LAMA4: variants seen among roughly 807,000 people sequenced by gnomAD.
LAMA4 encodes laminin subunit alpha 4.
In LAMA4, 127 loss-of-function variants were observed where a neutral mutation model predicts 207.1. That is an observed-to-expected ratio of 0.61 (90% CI 0.53 to 0.71). The LOEUF is 0.71. Ranked by LOEUF, LAMA4 falls within the 30% of genes least tolerant of loss-of-function variation. LAMA4 has a pLI of 0.00. For missense variants in LAMA4, 2,093 were observed against 2,246.5 expected (o/e 0.93, Z 1.38); for synonymous variants, 761 against 816.0 (o/e 0.93, Z 1.15).
intron 5 of LAMA4, among the ~76,000 whole-genome samples, chr6:112,201,373 C>G (rs1259999142): frequency 6.6e-6 from 1 of 152,218 alleles, no homozygotes; most frequent in African/African-American, 2.4e-5. Flanking sequence ...TCCCTGTGTG[C>G]TTATCCTGAG....
At chr6:112,154,585 C>T (rs950536385) in intron 16 of LAMA4, among the ~76,000 whole-genome samples, 8 of 151,872 alleles carry the variant, frequency 5.3e-5, no homozygotes, top group Non-Finnish European at 1.2e-4. Context: ...TATTAATCAG[C>T]CTATTTGATT....
Position 112,108,383 on chromosome 6 carries a change from G to T in LAMA4, c.*1054C>A, listed in dbSNP as rs1299068563. Among the ~76,000 whole-genome samples, 1 of 152,038 alleles carries T rather than the reference G, an allele frequency of 6.6e-6. No individual in the cohort carries two copies. Among genetic ancestry groups the T allele is most frequent in the Non-Finnish European group, 1.5e-5 (1 of 68,012 alleles). ...TTGGAAAAAAGATTATAACATTTTA[G>T]AAATAAGACTAGTTGTGTTGCAGGT... On this transcript the variant is annotated 3_prime_UTR_variant, in exon 39 of 39. Transcript: ENST00000230538.
chr6:112,234,145 T>A (rs1335872208), intron 2 of LAMA4: 1 of 151,874 alleles, frequency 6.6e-6, no homozygotes, highest in Admixed American at 6.6e-5. Context: ...GTCATTCAAC[T>A]ATAAAAACAA....
intron 6 of LAMA4, among the ~76,000 whole-genome samples, chr6:112,190,891 CTT>C (rs1424569022): frequency 2.9e-5 from 2 of 68,692 alleles, no homozygotes; most frequent in Non-Finnish European, 2.9e-5. Context: ...TTCTTTCTTT[CTT>C]TCTTTCTTTC....
At chr6:112,201,463 A>G (rs1001197398) in intron 5 of LAMA4, 145 bp downstream of exon 5, 6 of 789,476 alleles carry the variant, frequency 7.6e-6, no homozygotes, top group South Asian at 4.2e-5. Context: ...AAACTTCCCT[A>G]AGGGGTTTTG....
intron 3 of LAMA4, among the ~76,000 whole-genome samples, chr6:112,213,143 C>T (rs1784443185): frequency 6.6e-6 from 1 of 152,132 alleles, no homozygotes; most frequent in African/African-American, 2.4e-5. Context: ...GAGCCCTGTG[C>T]CTGTGGTGAA....
chr6:112,178,254 G>A (rs200679874), intron 9 of LAMA4, 22 bp from the exon 10 acceptor site: 3 of 1,533,896 alleles, frequency 2.0e-6, no homozygotes, highest in African/African-American at 1.4e-5. Context: ...CCGTATAAAG[G>A]CTAGATTAAA....
At position 112,114,208 on chromosome 6, in the gene LAMA4, G is replaced by A; in HGVS notation, c.5207-13C>T. On this transcript the variant is annotated splice_polypyrimidine_tract_variant and intron_variant, in intron 37 of 38. Coordinates refer to ENST00000230538, the MANE Select transcript of LAMA4 (RefSeq NM_001105206.3). ...GAATCTCTAATAACTGAAATGCAGG[G>A]CAAAGACTGGTCATAAGTGGCACTG... The A allele has an allele frequency of 6.2e-7, 1 of 1,613,138 alleles. No homozygotes were observed. The highest frequency in any genetic ancestry group is 8.5e-7 in the Non-Finnish European group (1 of 1,179,436).
At chr6:112,134,317 G>A in intron 26 of LAMA4, 150 bp downstream of exon 26, 2 of 704,944 alleles carry the variant, frequency 2.8e-6, no homozygotes, top group Non-Finnish European at 5.0e-6. Flanking sequence ...ACTGCAGAGG[G>A]CCTGAAGGTA....
rs375305822 is a variant in LAMA4, at chr6:112,187,527, C to T, written c.889G>A (p.Gly297Arg). Residue 297 changes from glycine to arginine, a missense_variant, in exon 8 of 39, where the codon GGG (glycine) becomes AGG (arginine). By Grantham distance (125) the Gly-to-Arg change is moderately radical (BLOSUM62 -2). Coordinates refer to ENST00000230538, the MANE Select transcript of LAMA4 (RefSeq NM_001105206.3). The part of the protein sequence containing the change: ...AALSIEEGKS[G>R]VLSVSSGAAA... Reference sequence around the variant, plus strand: ...GCCCCAGAGGATACGCTCAGCACCCCGGATTTGCCTTCCTCGATGGAGAGC... The same window carrying T: ...GCCCCAGAGGATACGCTCAGCACCCTGGATTTGCCTTCCTCGATGGAGAGC... 18 of 1,613,992 alleles carry T rather than the reference C, an allele frequency of 1.1e-5. No individual in the cohort carries two copies. The African/African-American group carries it at 2.4e-4, about 22-fold the overall frequency.
chr6:112,118,574 A>G lies in LAMA4; in HGVS notation c.4821+582T>C, dbSNP rs1169055116. 6.6e-6 allele frequency among the ~76,000 whole-genome samples: 1 copy of G among 152,168 alleles called. No homozygotes were observed. The highest frequency in any genetic ancestry group is 1.5e-5 in the Non-Finnish European group (1 of 68,028). Reference sequence around the variant, plus strand: ...ATGTTAAGAAAAATTTAGTCCTTTGATGCATTCCTTTTATTGCTAAATTTT... The same window carrying G: ...ATGTTAAGAAAAATTTAGTCCTTTGGTGCATTCCTTTTATTGCTAAATTTT... On this transcript the variant is annotated intron_variant, in intron 34 of 38. Transcript: ENST00000230538. The surrounding 1 kb of genome is among the most constrained non-coding windows in gnomAD (Gnocchi z 4.6).
chr6:112,187,472 T>C lies in LAMA4; in HGVS notation c.944A>G (p.Asn315Ser), dbSNP rs1029188462. 5.6e-6 allele frequency: 9 copies of C among 1,613,954 alleles called. No individual in the cohort carries two copies. In the East Asian group the frequency reaches 8.9e-5, roughly 16 times the overall value. The change falls in exon 8 of 39, where the codon AAC becomes AGC. Residue 315 changes from asparagine to serine, a missense_variant. Asn to Ser is a conservative substitution (Grantham distance 46, BLOSUM62 1). Transcript: ENST00000230538. ...TACTTTGAGGAGGTAGATGGTGGCG[T>C]TGATTTCATTCACGTGCCTATGAGC... ...AAAHRHVNEI[N>S]ATIYLLKTKL...
At chr6:112,242,004 A>G (rs1438097263) in intron 2 of LAMA4, among the ~76,000 whole-genome samples, 2 of 152,098 alleles carry the variant, frequency 1.3e-5, no homozygotes, top group Non-Finnish European at 2.9e-5. Context: ...AAACATCACA[A>G]TCCCACTATT....
intron 31 of LAMA4, 150 bp downstream of exon 31, chr6:112,128,772 T>C: frequency 1.5e-6 from 1 of 665,226 alleles, no homozygotes; most frequent in Non-Finnish European, 2.6e-6. Flanking sequence ...ACAAATCTGG[T>C]AAACTAGAAT....
rs782385354 is a variant in LAMA4 at position 112,214,085 on chromosome 6, C to T, written c.297+2283G>A. The T allele has an allele frequency of 2.2e-5, 16 of 731,900 alleles. No homozygotes were observed. In the East Asian group the frequency reaches 3.8e-4, roughly 17 times the overall value. The allele number at this position is 731,900 out of a possible 1,614,324, so 45.3% of individuals were successfully genotyped here. ...CCGTCAGTAGTCTGGGATAGCGGCA[C>T]CAAAGGAAACAGAAAAAAATGAGTT... On this transcript the variant is annotated intron_variant, in intron 3 of 38. Transcript: ENST00000230538.
intron 6 of LAMA4, among the ~76,000 whole-genome samples, chr6:112,190,935 C>CTT (rs376000544): frequency 6.7e-5 from 4 of 59,304 alleles, no homozygotes; most frequent in African/African-American, 3.2e-4. Context: ...TTCTTTCTTT[C>CTT]TTTCTTTCTT....
chr6:112,212,898 C>G (rs1347951279), intron 3 of LAMA4, among the ~76,000 whole-genome samples: 1 of 152,144 alleles, frequency 6.6e-6, no homozygotes, highest in Non-Finnish European at 1.5e-5. Context: ...CTGCCTTACA[C>G]AGTAATAAAA....
chr6:112,190,908 T>C (rs1431229991), intron 6 of LAMA4, among the ~76,000 whole-genome samples: 2 of 92,782 alleles, frequency 2.2e-5, no homozygotes, highest in Admixed American at 2.5e-4. Context: ...TCTTTCTTTC[T>C]TTCTTTCTTT....
intron 10 of LAMA4, among the ~76,000 whole-genome samples, chr6:112,177,294 A>T (rs1453545262): frequency 6.6e-6 from 1 of 152,188 alleles, no homozygotes; most frequent in Admixed American, 6.5e-5. Flanking sequence ...ATGCCCCAGT[A>T]TAAAGACATG....
Sources: gnomAD v4.1 joint callset for allele counts (sites outside exome capture counted in the v4.1 genomes callset) on GRCh38, gnomAD v4.1.1 for gene constraint, Gnocchi (gnomAD v3.1) non-coding constraint, MANE v1.5 for transcripts, NCBI Gene and HGNC (gene_info 2026-07-23, HGNC 2026-07-21) for gene names.